Variants in CNTNAP3B observed in about 807,000 individuals in gnomAD.
CNTNAP3B encodes the protein contactin-associated protein-like 3B.
CNTNAP3B carries 25 observed loss-of-function variants against 108.9 expected under a neutral mutation model. The ratio of observed to expected loss-of-function variants is 0.23; its 90% CI spans 0.17 to 0.32. The LOEUF (loss-of-function observed/expected upper bound fraction) is 0.32. Ranked by LOEUF, CNTNAP3B falls within the 10% of genes least tolerant of loss-of-function variation. The probability of loss-of-function intolerance (pLI) is 1.00; values close to 1 mark genes in which losing one functional copy is unlikely to be tolerated. For synonymous variants in CNTNAP3B, 103 were observed against 473.4 expected, an observed-to-expected ratio of 0.22 and a Z score of 10.16; for missense variants, 252 against 1,210.4, an observed-to-expected ratio of 0.21 and a Z score of 11.75.
chr9:41,918,805 A>G (rs1823587170), intron 18 of CNTNAP3B, among the ~76,000 whole-genome samples: 1 of 146,602 alleles, frequency 6.8e-6, no homozygotes, highest in African/African-American at 2.6e-5. Flanking sequence ...TGAGATATAA[A>G]AAGAGCTCTG....
At chr9:41,935,895 G>T (rs546059281) in intron 14 of CNTNAP3B, among the ~76,000 whole-genome samples, 193 of 152,310 alleles carry the variant, frequency 1.3e-3, no homozygotes, top group Middle Eastern at 3.4e-3. Context: ...ATGGCTAAGG[G>T]TATCAGAGGA....
At chr9:41,925,742 A>T (rs1186570994) in intron 15 of CNTNAP3B, among the ~76,000 whole-genome samples, 8 of 152,292 alleles carry the variant, frequency 5.3e-5, no homozygotes, top group African/African-American at 1.9e-4. Context: ...TTGATGCTTA[A>T]GTTGTCTCAA....
chr9:41,997,694 C>A lies in CNTNAP3B; in HGVS notation c.801G>T (p.Leu267=), dbSNP rs1233077762. 6.2e-6 allele frequency: 10 copies of A among 1,601,986 alleles called. No homozygotes were observed. In the Admixed American group the frequency reaches 1.2e-4, roughly 19 times the overall value. ...APVTLTLGSL[L]DDQHWHSVLI... is the part of the protein sequence containing the mutation. ...GGACGGAATGCCAGTGCTGGTCATC[C>A]AGCAGGCTGCCCAGGGTGAGGGTCA... is the stretch of plus-strand genomic sequence containing the variant. The change falls in exon 6 of 24, where the codon CTG becomes CTT. Residue 267 remains leucine (L), a synonymous_variant. Coordinates refer to ENST00000377561, the MANE Select transcript of CNTNAP3B (RefSeq NM_001201380.3).
At chr9:42,019,600 A>T (rs1489457685) in intron 3 of CNTNAP3B, among the ~76,000 whole-genome samples, 1 of 144,020 alleles carries the variant, frequency 6.9e-6, no homozygotes, top group Non-Finnish European at 1.5e-5. Context: ...TCAAAAAAAA[A>T]AAAAAAAAAA....
chr9:41,940,973 G>T (rs1435278592), intron 13 of CNTNAP3B, among the ~76,000 whole-genome samples: 5 of 152,224 alleles, frequency 3.3e-5, no homozygotes, highest in Non-Finnish European at 7.3e-5. Context: ...GAAAAGAGAA[G>T]AAATATGGAT....
chr9:41,925,098 T>A (rs989936562), intron 15 of CNTNAP3B, among the ~76,000 whole-genome samples: 11 of 151,978 alleles, frequency 7.2e-5, no homozygotes, highest in African/African-American at 2.7e-4. Context: ...CATGAAGTTA[T>A]TATTTTTCTC....
chr9:42,127,074 TG>T (rs1828587759), intron 1 of CNTNAP3B, among the ~76,000 whole-genome samples: 1 of 139,304 alleles, frequency 7.2e-6, no homozygotes, highest in Non-Finnish European at 1.5e-5. Flanking sequence ...TAGTTTTATC[TG>T]GAAGAATTAC....
At chr9:42,055,280 T>A (rs1312556187) in intron 3 of CNTNAP3B, among the ~76,000 whole-genome samples, 1 of 113,324 alleles carries the variant, frequency 8.8e-6, no homozygotes, top group Admixed American at 9.3e-5. Context: ...AAATATTTCA[T>A]ATTTACATGA....
intron 11 of CNTNAP3B, among the ~76,000 whole-genome samples, chr9:41,962,345 A>G (rs754873192): frequency 0.07 from 10,278 of 146,592 alleles, 13 homozygotes; most frequent in Middle Eastern, 0.12. Flanking sequence ...TGAGACTGAC[A>G]CTTGAAATAC....
At chr9:41,967,615 A>C (rs1199782555) in intron 10 of CNTNAP3B, among the ~76,000 whole-genome samples, 2 of 152,418 alleles carry the variant, frequency 1.3e-5, no homozygotes, top group East Asian at 3.9e-4. Flanking sequence ...CTTAAAAGTG[A>C]ATTTTCAGTA....
At chr9:41,942,865 C>A (rs1344617825) in intron 13 of CNTNAP3B, among the ~76,000 whole-genome samples, 1 of 152,146 alleles carries the variant, frequency 6.6e-6, no homozygotes, top group Non-Finnish European at 1.5e-5. Flanking sequence ...GCAAATTCAG[C>A]CTAACTACTA....
chr9:42,087,169 AC>A (rs1444975419), intron 2 of CNTNAP3B, among the ~76,000 whole-genome samples: 2 of 141,212 alleles, frequency 1.4e-5, no homozygotes, highest in Non-Finnish European at 1.5e-5. Context: ...TATCCTGTTA[AC>A]TTGTTAAAAT....
At chr9:41,977,988 A>C (rs1377815577) in intron 9 of CNTNAP3B, among the ~76,000 whole-genome samples, 5 of 130,664 alleles carry the variant, frequency 3.8e-5, no homozygotes, top group Non-Finnish European at 8.0e-5. Context: ...TTCTGGAAAA[A>C]AAAAACAGTA....
chr9:42,098,863 C>T, intron 2 of CNTNAP3B, among the ~76,000 whole-genome samples: 1 of 130,844 alleles, frequency 7.6e-6, no homozygotes, highest in East Asian at 2.5e-4. Flanking sequence ...GTGTGCTGTG[C>T]TATAAGAGAA....
chr9:41,964,800 G>T (rs1461657233), intron 10 of CNTNAP3B, among the ~76,000 whole-genome samples, 156 bp from the exon 11 acceptor site: 1 of 152,242 alleles, frequency 6.6e-6, no homozygotes, highest in Non-Finnish European at 1.5e-5. Context: ...TAATTATATT[G>T]ACAAACTTTA....
At chr9:41,925,215 AT>A (rs1300135193) in intron 15 of CNTNAP3B, among the ~76,000 whole-genome samples, 1 of 148,098 alleles carries the variant, frequency 6.8e-6, no homozygotes, top group African/African-American at 2.5e-5. Context: ...TCCTGATTGA[AT>A]TTTTATTCTG....
At chr9:42,122,660 T>TAA (rs1297222947) in intron 1 of CNTNAP3B, among the ~76,000 whole-genome samples, 1 of 140,930 alleles carries the variant, frequency 7.1e-6, no homozygotes, top group Non-Finnish European at 1.5e-5. Flanking sequence ...GTGCAGTTCT[T>TAA]AAAGATGAGA....
intron 8 of CNTNAP3B, among the ~76,000 whole-genome samples, chr9:41,988,622 C>T (rs1474330804): frequency 6.8e-6 from 1 of 147,862 alleles, no homozygotes; most frequent in Non-Finnish European, 1.5e-5. Context: ...TGTCCATAGA[C>T]ATGCAAATGA....
rs1177299173 is a variant in CNTNAP3B, at chr9:41,931,059, C to T, written c.2238-1615G>A. Among the ~76,000 whole-genome samples the T allele has an allele frequency of 2.0e-5, 3 of 152,406 alleles. No homozygotes were observed. In the East Asian group the frequency reaches 5.8e-4, roughly 29 times the overall value. On this transcript the variant is annotated intron_variant, in intron 14 of 23. Coordinates refer to ENST00000377561, the MANE Select transcript of CNTNAP3B (RefSeq NM_001201380.3). ...GAAACTCCACAGTATCTAGTAAATACTGTATTTTTTAAATTGCCCAGTTCT... is the reference window on the plus strand; with the variant it reads ...GAAACTCCACAGTATCTAGTAAATATTGTATTTTTTAAATTGCCCAGTTCT...
Sources: allele counts gnomAD v4.1 joint callset (sites outside exome capture counted in the v4.1 genomes callset), GRCh38; gene constraint gnomAD v4.1.1; transcripts MANE v1.5; gene names NCBI Gene and HGNC (gene_info 2026-07-23, HGNC 2026-07-21).